GAB1: variants seen among roughly 807,000 people sequenced by gnomAD.
The protein encoded by GAB1 is GRB2-associated-binding protein 1.
Under a neutral mutation model 66.5 loss-of-function variants are expected in GAB1, and 19 were observed. The ratio of observed to expected loss-of-function variants is 0.29; its 90% CI spans 0.20 to 0.42. GAB1 has a LOEUF of 0.42. Ranked by LOEUF, GAB1 falls within the 10% of genes least tolerant of loss-of-function variation. The pLI is 1.00. For synonymous variants in GAB1, 294 were observed against 301.4 expected, an observed-to-expected ratio of 0.98 and a Z score of 0.25; for missense variants, 732 against 858.5, an observed-to-expected ratio of 0.85 and a Z score of 1.84.
At chr4:143,407,848 T>A (rs1732138231) in intron 1 of GAB1, among the ~76,000 whole-genome samples, 1 of 152,208 alleles carries the variant, frequency 6.6e-6, no homozygotes, top group Non-Finnish European at 1.5e-5. Flanking sequence ...TTCTTTATTT[T>A]ATTTACCCTA....
At chr4:143,379,342 A>G (rs577722762) in intron 1 of GAB1, among the ~76,000 whole-genome samples, 4 of 152,284 alleles carry the variant, frequency 2.6e-5, no homozygotes, top group African/African-American at 7.2e-5. Flanking sequence ...CTTAAGCCGG[A>G]TAGGTTAACT....
intron 1 of GAB1, among the ~76,000 whole-genome samples, chr4:143,382,692 C>T (rs1451618739): frequency 6.6e-6 from 1 of 151,996 alleles, no homozygotes; most frequent in African/African-American, 2.4e-5. Flanking sequence ...CAGAGAAAGT[C>T]TGAGAAACAA....
At chr4:143,440,597 A>G (rs1289010528) in intron 6 of GAB1, among the ~76,000 whole-genome samples, 2 of 152,220 alleles carry the variant, frequency 1.3e-5, no homozygotes, top group African/African-American at 2.4e-5. Flanking sequence ...TAAGTCTCCT[A>G]TCTCTAGAGC....
chr4:143,438,543 A>T lies in GAB1; in HGVS notation c.1138A>T (p.Met380Leu). 1 of 1,614,070 alleles carries T rather than the reference A, an allele frequency of 6.2e-7. No individual in the cohort carries two copies. The highest frequency in any genetic ancestry group is 1.1e-5 in the South Asian group (1 of 91,076). Residue 380 changes from methionine to leucine, a missense_variant, in exon 4 of 10, where the codon ATG becomes TTG. By Grantham distance (15) the Met-to-Leu change is conservative. Transcript: ENST00000262994. ...TAGTTACTGTATCCCTACAGCAGGGATGTCGCCTTCACGTAGTAATACCAT... is the reference window on the plus strand; with the variant it reads ...TAGTTACTGTATCCCTACAGCAGGGTTGTCGCCTTCACGTAGTAATACCAT... Reference protein sequence around the residue: ...DSSYCIPTAGMSPSRSNTIST... With the variant: ...DSSYCIPTAGLSPSRSNTIST...
intron 1 of GAB1, among the ~76,000 whole-genome samples, chr4:143,396,305 G>A (rs1486420211): frequency 6.6e-6 from 1 of 152,136 alleles, no homozygotes; most frequent in African/African-American, 2.4e-5. Context: ...CCTTTGGAGT[G>A]AAAAACAATA....
At chr4:143,443,824 A>G (rs1734366119) in intron 6 of GAB1, among the ~76,000 whole-genome samples, 1 of 152,196 alleles carries the variant, frequency 6.6e-6, no homozygotes, top group Admixed American at 6.5e-5. Flanking sequence ...CAGCTGCTGT[A>G]GTTTGCATAC....
At chr4:143,393,402 A>G (rs1163147520) in intron 1 of GAB1, among the ~76,000 whole-genome samples, 3 of 152,174 alleles carry the variant, frequency 2.0e-5, no homozygotes, top group African/African-American at 7.2e-5. Flanking sequence ...AGGCCAGACT[A>G]CTAGGTTCAG....
chr4:143,400,488 G>C (rs1731712482), intron 1 of GAB1, among the ~76,000 whole-genome samples: 1 of 152,148 alleles, frequency 6.6e-6, no homozygotes, highest in Admixed American at 6.5e-5. Context: ...AGCTGGAGTT[G>C]GGGCTTCACT....
At chr4:143,430,289 CTG>C (rs1166971817) in intron 2 of GAB1, among the ~76,000 whole-genome samples, 8 of 152,262 alleles carry the variant, frequency 5.3e-5, no homozygotes, top group African/African-American at 9.6e-5. Context: ...TTGGTTATCT[CTG>C]TGGTTTACAA....
At chr4:143,367,049 T>A (rs915643252) in intron 1 of GAB1, among the ~76,000 whole-genome samples, 9 of 152,202 alleles carry the variant, frequency 5.9e-5, no homozygotes, top group African/African-American at 1.9e-4. Flanking sequence ...TTTTAGCTTG[T>A]GCTTTTTGTT....
chr4:143,452,132 C>T (rs920609502), intron 6 of GAB1, among the ~76,000 whole-genome samples: 48 of 152,206 alleles, frequency 3.2e-4, no homozygotes, highest in Admixed American at 3.3e-4. Context: ...CTTTTAGAGA[C>T]GGTTTCTCAC....
chr4:143,399,717 G>A (rs1300933313), intron 1 of GAB1, among the ~76,000 whole-genome samples: 1 of 152,060 alleles, frequency 6.6e-6, no homozygotes, highest in Non-Finnish European at 1.5e-5. Flanking sequence ...ATTTTTAGCA[G>A]TCTTATTTTT....
intron 1 of GAB1, among the ~76,000 whole-genome samples, chr4:143,360,732 G>A (rs1339340205): frequency 6.6e-6 from 1 of 152,050 alleles, no homozygotes; most frequent in Non-Finnish European, 1.5e-5. Flanking sequence ...TGTGACTTCT[G>A]CGGCAATTTT....
At chr4:143,357,040 A>G (rs1018594252) in intron 1 of GAB1, among the ~76,000 whole-genome samples, 1 of 152,134 alleles carries the variant, frequency 6.6e-6, no homozygotes, top group African/African-American at 2.4e-5. Context: ...TAGGTAATCT[A>G]TCCTGGGTGG....
chr4:143,390,737 A>G (rs1356687961), intron 1 of GAB1, among the ~76,000 whole-genome samples: 4 of 152,200 alleles, frequency 2.6e-5, no homozygotes, highest in African/African-American at 9.7e-5. Flanking sequence ...TATTGCTCAT[A>G]TAAAAGGGTA....
intron 1 of GAB1, among the ~76,000 whole-genome samples, chr4:143,409,439 G>T (rs1460309159): frequency 6.8e-6 from 1 of 146,782 alleles, no homozygotes; most frequent in African/African-American, 2.6e-5. Flanking sequence ...TGTCTGTGAT[G>T]ATTATTCTGA....
chr4:143,460,291 CATTTTT>C, intron 7 of GAB1, 67 bp from the exon 8 acceptor site: 2 of 1,408,136 alleles, frequency 1.4e-6, no homozygotes, highest in African/African-American at 2.8e-5. Flanking sequence ...GACTGTCTCT[CATTTTT>C]ATTTGGGGAA....
At chr4:143,457,868 A>G (rs780395858) in intron 6 of GAB1, 4 of 643,116 alleles carry the variant, frequency 6.2e-6, no homozygotes, top group Admixed American at 3.8e-5. Context: ...CTTAAATACT[A>G]CTGCTGTTGT....
chr4:143,472,378 T>C lies in GAB1; in HGVS notation c.*3189T>C, dbSNP rs1451701029. Reference sequence around the variant, plus strand: ...AGGTCATAATTTCTGCTGGACTCTTTTATATTTAATTAATGGGGATTATAG... The same window carrying C: ...AGGTCATAATTTCTGCTGGACTCTTCTATATTTAATTAATGGGGATTATAG... On this transcript the variant is annotated 3_prime_UTR_variant, in exon 10 of 10. Transcript: ENST00000262994. The C allele has an allele frequency of 6.6e-6, 1 of 152,186 alleles. No homozygotes were observed. The highest frequency in any genetic ancestry group is 1.5e-5 in the Non-Finnish European group (1 of 68,028). 9.4% of individuals were successfully genotyped at this position (152,186 alleles called of 1,614,324 possible). A position where few individuals can be genotyped will look rare whatever the true frequency, so the allele number is the denominator to read the frequency against.
Sources: gnomAD v4.1 joint callset for allele counts (sites outside exome capture counted in the v4.1 genomes callset) on GRCh38, gnomAD v4.1.1 for gene constraint, MANE v1.5 for transcripts, NCBI Gene and HGNC (gene_info 2026-07-23, HGNC 2026-07-21) for gene names.